The following TMPRSS11E variants were observed in gnomAD, a reference collection of about 807,000 sequenced individuals.
TMPRSS11E encodes the protein transmembrane serine protease 11E.
TMPRSS11E carries 38 observed loss-of-function variants against 48.1 expected under a neutral mutation model. The ratio of observed to expected loss-of-function variants is 0.79; its 90% CI spans 0.61 to 1.04. TMPRSS11E has a LOEUF of 1.04. TMPRSS11E is among the 50% of genes least tolerant of loss of function. The pLI, the probability that TMPRSS11E is intolerant of heterozygous loss-of-function variation, is 0.00. For synonymous variants in TMPRSS11E, 158 were observed against 171.9 expected (o/e 0.92, Z 0.63); for missense variants, 530 against 510.8 (o/e 1.04, Z -0.36).
intron 8 of TMPRSS11E, among the ~76,000 whole-genome samples, chr4:68,478,521 C>G (rs1729306750): frequency 7.5e-6 from 1 of 133,046 alleles, no homozygotes; most frequent in Non-Finnish European, 1.5e-5. Context: ...GTGGCCCGAT[C>G]TTGGCTCACT....
chr4:68,455,475 C>T (rs534225956), intron 1 of TMPRSS11E, among the ~76,000 whole-genome samples: 66 of 152,032 alleles, frequency 4.3e-4, no homozygotes, highest in African/African-American at 1.5e-3. Context: ...TTTGAACTAA[C>T]ACTAAGACAT....
chr4:68,478,407 G>A, intron 8 of TMPRSS11E, among the ~76,000 whole-genome samples: 1 of 144,118 alleles, frequency 6.9e-6, no homozygotes, highest in Non-Finnish European at 1.5e-5. Context: ...GCCTCCGAAA[G>A]TGCTGGGATT....
chr4:68,474,798 A>C, intron 6 of TMPRSS11E, 37 bp downstream of exon 6: 1 of 1,552,130 alleles, frequency 6.4e-7, no homozygotes, highest in Non-Finnish European at 8.8e-7. Flanking sequence ...GCATTACCTG[A>C]AGGTAAAAAG....
chr4:68,450,005 A>T (rs1490214668), intron 1 of TMPRSS11E, among the ~76,000 whole-genome samples: 1 of 151,852 alleles, frequency 6.6e-6, no homozygotes, highest in Admixed American at 6.6e-5. Context: ...ATGACTTTAT[A>T]TGGATCATAA....
At chr4:68,453,002 C>G (rs1246820832) in intron 1 of TMPRSS11E, among the ~76,000 whole-genome samples, 1 of 151,878 alleles carries the variant, frequency 6.6e-6, no homozygotes, top group Non-Finnish European at 1.5e-5. Context: ...GCACTGGAAG[C>G]TTAATGCAGA....
chr4:68,495,756 C>A (rs145450963), intron 9 of TMPRSS11E, among the ~76,000 whole-genome samples: 48,285 of 152,022 alleles, frequency 0.32, 8,914 homozygotes, highest in Middle Eastern at 0.5. Context: ...TGATCTCAGG[C>A]AAATTACTTA....
chr4:68,450,117 G>T lies in TMPRSS11E; in HGVS notation c.11+2594G>T, dbSNP rs150897608. Among the ~76,000 whole-genome samples, 610 of 150,926 alleles carry T rather than the reference G, an allele frequency of 4.0e-3. 4 individuals carry two copies. Among genetic ancestry groups the T allele is most frequent in the African/African-American group, 0.014 (587 of 40,578 alleles). On this transcript the variant is annotated intron_variant, in intron 1 of 9. Transcript: ENST00000305363. Reference sequence around the variant, plus strand: ...GATACTGAAGAGACACTCCTTTTAGGCTTAGGCCCAGAGTTGCTATATGGT... The same window carrying T: ...GATACTGAAGAGACACTCCTTTTAGTCTTAGGCCCAGAGTTGCTATATGGT...
Position 68,496,895 on chromosome 4 carries a change from C to A in TMPRSS11E, c.*91C>A, listed in dbSNP as rs1729887006. 1 of 1,267,084 alleles carries A rather than the reference C, an allele frequency of 7.9e-7. No individual in the cohort carries two copies. The highest frequency in any genetic ancestry group is 1.1e-6 in the Non-Finnish European group (1 of 906,112). 78.5% of individuals were successfully genotyped at this position (1,267,084 alleles called of 1,614,324 possible). A position where few individuals can be genotyped will look rare whatever the true frequency, so the allele number is the denominator to read the frequency against. ...GAGATACAGAATTGGAGAAGACTTG[C>A]AAAACAGCTAGATTTGACTGATCTC... On this transcript the variant is annotated 3_prime_UTR_variant, in exon 10 of 10. Coordinates refer to ENST00000305363, the MANE Select transcript of TMPRSS11E (RefSeq NM_014058.4).
At chr4:68,461,713 A>G in intron 1 of TMPRSS11E, 108 bp from the exon 2 acceptor site, 1 of 1,546,508 alleles carries the variant, frequency 6.5e-7, no homozygotes, top group African/African-American at 1.4e-5. Context: ...CAGACAGTAC[A>G]CGACCCTCCA....
At chr4:68,467,444 C>A (rs1728957463) in intron 3 of TMPRSS11E, among the ~76,000 whole-genome samples, 1 of 151,986 alleles carries the variant, frequency 6.6e-6, no homozygotes, top group South Asian at 2.1e-4. Flanking sequence ...TTAACTTTTC[C>A]TGGAAACCTG....
chr4:68,482,590 C>CAAAAAAAAAAA (rs371144994), intron 9 of TMPRSS11E, among the ~76,000 whole-genome samples: 13 of 106,076 alleles, frequency 1.2e-4, no homozygotes, highest in East Asian at 5.1e-4. Context: ...TGCATCTCCA[C>CAAAAAAAAAAA]AAAAAAAAAA....
At chr4:68,449,195 C>A (rs1389249633) in intron 1 of TMPRSS11E, among the ~76,000 whole-genome samples, 2 of 151,124 alleles carry the variant, frequency 1.3e-5, no homozygotes, top group African/African-American at 4.9e-5. Flanking sequence ...TCTTGTACTG[C>A]CATTTTCTCC....
chr4:68,496,686 T>C lies in TMPRSS11E; in HGVS notation c.1154T>C (p.Ile385Thr), dbSNP rs548063679. The C allele has an allele frequency of 1.9e-6, 3 of 1,613,700 alleles. No individual in the cohort carries two copies. Among genetic ancestry groups the C allele is most frequent in the Middle Eastern group, 1.7e-4 (1 of 6,060 alleles). ...GPLVSSDARD[I>T]WYLAGIVSWG... ...CTGGTTAGTTCAGATGCTAGAGATATCTGGTACCTTGCTGGAATAGTGAGC... is the reference window on the plus strand; with the variant it reads ...CTGGTTAGTTCAGATGCTAGAGATACCTGGTACCTTGCTGGAATAGTGAGC... The change falls in exon 10 of 10, where the codon ATC (isoleucine) becomes ACC (threonine). Residue 385 changes from isoleucine to threonine, a missense_variant. Ile to Thr is a moderately conservative substitution (Grantham distance 89). Transcript: ENST00000305363.
At chr4:68,486,291 T>G (rs1159507882) in intron 9 of TMPRSS11E, among the ~76,000 whole-genome samples, 1 of 152,246 alleles carries the variant, frequency 6.6e-6, no homozygotes, top group Non-Finnish European at 1.5e-5. Context: ...CCATAAACTT[T>G]CCTGTTAATA....
rs191998429 is a variant in TMPRSS11E, at chr4:68,492,890, T to C, written c.1111-3753T>C. On this transcript the variant is annotated intron_variant, in intron 9 of 9. Transcript: ENST00000305363. ...GTCTTCTTGACGGTCATGGAATCAT[T>C]GATGGTTTAGATATTATGCTAGACC... Among the ~76,000 whole-genome samples the C allele has an allele frequency of 7.2e-5, 11 of 152,320 alleles. No homozygotes were observed. In the East Asian group the frequency reaches 1.7e-3, roughly 24 times the overall value.
chr4:68,484,937 A>G (rs1192167754), intron 9 of TMPRSS11E, among the ~76,000 whole-genome samples: 1 of 152,110 alleles, frequency 6.6e-6, no homozygotes, highest in African/African-American at 2.4e-5. Flanking sequence ...GATGCCTTTT[A>G]TGTCTTTCTC....
intron 9 of TMPRSS11E, among the ~76,000 whole-genome samples, chr4:68,482,296 T>C (rs1255794585): frequency 4.6e-5 from 7 of 152,100 alleles, no homozygotes; most frequent in Non-Finnish European, 8.8e-5. Flanking sequence ...ACCTTCAGCA[T>C]TGGGGGTGAC....
chr4:68,467,202 C>A (rs778256643), intron 3 of TMPRSS11E, among the ~76,000 whole-genome samples: 4 of 152,102 alleles, frequency 2.6e-5, no homozygotes, highest in Non-Finnish European at 4.4e-5. Context: ...GTATATAAAT[C>A]TGTAGTAAAT....
intron 3 of TMPRSS11E, among the ~76,000 whole-genome samples, chr4:68,468,538 A>G (rs1293171980): frequency 6.6e-6 from 1 of 152,058 alleles, no homozygotes; most frequent in Non-Finnish European, 1.5e-5. Flanking sequence ...TCCTTTGTCT[A>G]TGGGCAGTAA....
Sources: gnomAD v4.1 joint callset for allele counts (sites outside exome capture counted in the v4.1 genomes callset) on GRCh38, gnomAD v4.1.1 for gene constraint, MANE v1.5 for transcripts, NCBI Gene and HGNC (gene_info 2026-07-23, HGNC 2026-07-21) for gene names.